CPPED1: variants seen among roughly 807,000 people sequenced by gnomAD.
CPPED1 encodes calcineurin like phosphoesterase domain containing 1.
CPPED1 carries 28 observed loss-of-function variants against 28.0 expected under a neutral mutation model. That is an observed-to-expected ratio of 1.00 (90% CI 0.74 to 1.37). CPPED1 has a LOEUF of 1.37. Ranked by LOEUF, CPPED1 falls within the 40% of genes most tolerant of loss-of-function variation. The pLI, the probability that CPPED1 is intolerant of heterozygous loss-of-function variation, is 0.00. For synonymous variants in CPPED1, 198 were observed against 180.2 expected, an observed-to-expected ratio of 1.10 and a Z score of -0.79; for missense variants, 504 against 416.5, an observed-to-expected ratio of 1.21 and a Z score of -1.83.
rs2079790467 is a variant in CPPED1 at position 12,660,882 on chromosome 16, G to A, written c.*4004C>T. On this transcript the variant is annotated 3_prime_UTR_variant, in exon 4 of 4. Transcript: ENST00000381774. ...AATCCCAACACTTTGGGAGGCCAAG[G>A]TGGAAGGACTGCTTGGGGCCAGGAG... 6.6e-6 allele frequency: 1 copy of A among 152,440 alleles called. No individual in the cohort carries two copies. The highest frequency in any genetic ancestry group is 2.1e-4 in the South Asian group (1 of 4,838). The allele number at this position is 152,440 out of a possible 1,614,324, so 9.4% of individuals were successfully genotyped here. A position where few individuals can be genotyped will look rare whatever the true frequency, so the allele number is the denominator to read the frequency against.
At position 12,704,965 on chromosome 16, in the gene CPPED1, C is replaced by T. The variant is rs774589162; in HGVS notation, c.374G>A (p.Ser125Asn). 2 of 1,614,238 alleles carry T rather than the reference C, an allele frequency of 1.2e-6. No homozygotes were observed. Among genetic ancestry groups the T allele is most frequent in the Admixed American group, 3.3e-5 (2 of 60,026 alleles). ...VDRAIPLVLV[S>N]GNHDIGNTPT... The stretch of plus-strand genomic sequence containing the variant: ...GGTGTTGCCAATGTCATGGTTGCCG[C>T]TGACAAGGACCAGTGGGATGGCCCT... Residue 125 changes from serine (S) to asparagine (N), a missense_variant, in exon 3 of 4, where the codon AGC becomes AAC. By Grantham distance (46) the Ser-to-Asn change is conservative. Transcript: ENST00000381774.
rs1234280316 is a variant in CPPED1, at chr16:12,664,549, A to G, written c.*337T>C. On this transcript the variant is annotated 3_prime_UTR_variant, in exon 4 of 4. Coordinates refer to ENST00000381774, the MANE Select transcript of CPPED1 (RefSeq NM_018340.3). This position sits in a 1 kb window ranked among gnomAD's most constrained non-coding sequence, Gnocchi z 4.2. ...CAGATTGGAATTGAGGTCGATAGGC[A>G]GACTTTGACCATATGCTAACCAGAA... is the stretch of plus-strand genomic sequence containing the variant. 1 of 1,096,974 alleles carries G rather than the reference A, an allele frequency of 9.1e-7. No individual in the cohort carries two copies. Among genetic ancestry groups the G allele is most frequent in the African/African-American group, 1.7e-5 (1 of 59,172 alleles). The allele number at this position is 1,096,974 out of a possible 1,614,324, so 68.0% of individuals were successfully genotyped here. A position where few individuals can be genotyped will look rare whatever the true frequency, so the allele number is the denominator to read the frequency against.
intron 2 of CPPED1, among the ~76,000 whole-genome samples, chr16:12,725,824 C>T (rs1431842854): frequency 9.2e-5 from 14 of 152,180 alleles, no homozygotes; most frequent in Non-Finnish European, 1.8e-4. Flanking sequence ...ACATATATTT[C>T]ATCTTGACAA....
intron 2 of CPPED1, among the ~76,000 whole-genome samples, chr16:12,735,317 A>C (rs553907649): frequency 7.2e-5 from 11 of 152,296 alleles, no homozygotes; most frequent in African/African-American, 2.6e-4. Flanking sequence ...TTTTAGATGG[A>C]GTCTTGCTCT....
At chr16:12,669,185 G>C (rs1323989341) in intron 3 of CPPED1, among the ~76,000 whole-genome samples, 4 of 152,130 alleles carry the variant, frequency 2.6e-5, no homozygotes, top group Non-Finnish European at 5.9e-5. Context: ...CTGCAATGTA[G>C]ATGCACCTTA....
At chr16:12,714,159 A>G (rs1472934311) in intron 2 of CPPED1, among the ~76,000 whole-genome samples, 1 of 152,112 alleles carries the variant, frequency 6.6e-6, no homozygotes, top group Non-Finnish European at 1.5e-5. Context: ...ATATATCATC[A>G]TATTTTGTTT....
At chr16:12,734,084 T>C (rs1057015105) in intron 2 of CPPED1, among the ~76,000 whole-genome samples, 6 of 139,342 alleles carry the variant, frequency 4.3e-5, no homozygotes, top group African/African-American at 1.1e-4. Flanking sequence ...TTTTTTTTTT[T>C]TTTTGAGACG....
At position 12,670,078 on chromosome 16, in the gene CPPED1, C is replaced by T. The variant is rs915808119; in HGVS notation, c.716-4963G>A. Among the ~76,000 whole-genome samples the T allele has an allele frequency of 9.9e-5, 15 of 152,272 alleles. No individual in the cohort carries two copies. Among genetic ancestry groups the T allele is most frequent in the South Asian group, 4.1e-4 (2 of 4,824 alleles). Reference sequence around the variant, plus strand: ...CTTTGGGAGGCCAAGGTGAGAGGATCGCTTGAGGCCAGGAGTTCGACCAGC... The same window carrying T: ...CTTTGGGAGGCCAAGGTGAGAGGATTGCTTGAGGCCAGGAGTTCGACCAGC... On this transcript the variant is annotated intron_variant, in intron 3 of 3. Transcript: ENST00000381774. This position sits in a 1 kb window ranked among gnomAD's most constrained non-coding sequence, Gnocchi z 4.2.
At chr16:12,775,055 A>G (rs2080489820) in intron 2 of CPPED1, among the ~76,000 whole-genome samples, 1 of 152,130 alleles carries the variant, frequency 6.6e-6, no homozygotes, top group African/African-American at 2.4e-5. Context: ...CCTGAGCTCA[A>G]GCAATCCACT....
At chr16:12,694,891 C>CTTCA in intron 3 of CPPED1, among the ~76,000 whole-genome samples, 1 of 152,204 alleles carries the variant, frequency 6.6e-6, no homozygotes, top group African/African-American at 2.4e-5. Flanking sequence ...GATTCTCCTG[C>CTTCA]TTCAGCCTCT....
chr16:12,768,190 G>C (rs1308021223), intron 2 of CPPED1, among the ~76,000 whole-genome samples: 3 of 152,098 alleles, frequency 2.0e-5, no homozygotes, highest in Admixed American at 6.6e-5. Flanking sequence ...CTGCGGTTTT[G>C]TCTTCCTATA....
At chr16:12,703,573 T>C (rs1013263515) in intron 3 of CPPED1, among the ~76,000 whole-genome samples, 5 of 151,660 alleles carry the variant, frequency 3.3e-5, no homozygotes, top group African/African-American at 1.2e-4. Context: ...TCCCAGCTAC[T>C]TGGGAGGCTG....
chr16:12,692,548 T>TC (rs1227580948), intron 3 of CPPED1, among the ~76,000 whole-genome samples: 4 of 152,232 alleles, frequency 2.6e-5, no homozygotes, highest in African/African-American at 9.6e-5. Flanking sequence ...ACCTGCTTCA[T>TC]AGCTTTGTGA....
At chr16:12,697,827 G>A (rs2079999993) in intron 3 of CPPED1, among the ~76,000 whole-genome samples, 1 of 152,086 alleles carries the variant, frequency 6.6e-6, no homozygotes, top group Admixed American at 6.6e-5. Flanking sequence ...AAGTCAGCTT[G>A]TGGCCTGGGT....
At chr16:12,740,843 G>A (rs2080251652) in intron 2 of CPPED1, among the ~76,000 whole-genome samples, 1 of 152,170 alleles carries the variant, frequency 6.6e-6, no homozygotes, top group African/African-American at 2.4e-5. Context: ...CCCTGGTCCG[G>A]GAGGGTGCTG....
chr16:12,790,227 C>T (rs972014944), intron 1 of CPPED1, among the ~76,000 whole-genome samples: 2 of 152,182 alleles, frequency 1.3e-5, no homozygotes, highest in Admixed American at 1.3e-4. Context: ...TGCTCTTTAC[C>T]GCTGAACTTT....
At chr16:12,780,981 T>C (rs970748968) in intron 2 of CPPED1, 66 of 583,858 alleles carry the variant, frequency 1.1e-4, no homozygotes, top group Non-Finnish European at 1.8e-4. Context: ...TGTGCCTAAT[T>C]ACTGTGATTA....
intron 2 of CPPED1, among the ~76,000 whole-genome samples, chr16:12,758,068 C>T (rs1315103655): frequency 1.3e-5 from 2 of 152,014 alleles, no homozygotes; most frequent in Non-Finnish European, 2.9e-5. Context: ...AACAAAGCCC[C>T]TTTCTATCTC....
At chr16:12,717,074 T>C (rs1237315822) in intron 2 of CPPED1, among the ~76,000 whole-genome samples, 2 of 151,982 alleles carry the variant, frequency 1.3e-5, no homozygotes, top group East Asian at 3.9e-4. Context: ...GGGGCTTTCC[T>C]AACCAAAGGT....
Sources: gnomAD v4.1 joint callset for allele counts (sites outside exome capture counted in the v4.1 genomes callset) on GRCh38, gnomAD v4.1.1 for gene constraint, Gnocchi (gnomAD v3.1) non-coding constraint, MANE v1.5 for transcripts, NCBI Gene and HGNC (gene_info 2026-07-23, HGNC 2026-07-21) for gene names.